Variants in UPRT observed in about 807,000 individuals in gnomAD.
The protein encoded by UPRT is uracil phosphoribosyltransferase homolog, also known as RP11-311P8.3.
UPRT carries 5 observed loss-of-function variants against 22.6 expected under a neutral mutation model. That is an observed-to-expected ratio of 0.22 (90% confidence interval 0.12 to 0.47). UPRT has a LOEUF of 0.47. UPRT is among the 20% of genes least tolerant of loss of function. The pLI, the probability that UPRT is intolerant of heterozygous loss-of-function variation, is 0.99. For synonymous variants in UPRT, 77 were observed against 87.7 expected (o/e 0.88, Z 0.68); for missense variants, 181 against 239.9 (o/e 0.75, Z 1.62).
At chrX:75,286,669 T>A (rs1277200943) in intron 1 of UPRT, among the ~76,000 whole-genome samples, 2 of 112,187 alleles carry the variant, frequency 1.8e-5, no homozygotes, top group Non-Finnish European at 1.9e-5. Flanking sequence ...CTTTCATTGT[T>A]TTGTGTTTCC....
intron 4 of UPRT, among the ~76,000 whole-genome samples, chrX:75,248,334 C>A (rs1329418398): frequency 9.0e-6 from 1 of 111,349 alleles, no homozygotes; most frequent in Non-Finnish European, 1.9e-5. Context: ...GAATGGCTAA[C>A]TAGAATAACC....
At chrX:75,188,983 C>CG (rs1301016554) in intron 4 of UPRT, among the ~76,000 whole-genome samples, 2 of 112,187 alleles carry the variant, frequency 1.8e-5, no homozygotes, top group Non-Finnish European at 3.8e-5. Flanking sequence ...TCTTCTGCAT[C>CG]GCGCACGCTG....
chrX:75,211,563 A>G (rs1283903390), intron 4 of UPRT, among the ~76,000 whole-genome samples: 1 of 111,640 alleles, frequency 9.0e-6, no homozygotes, highest in Admixed American at 9.5e-5. Context: ...AGGGAAAGAA[A>G]GAAAAAGAGG....
intron 4 of UPRT, among the ~76,000 whole-genome samples, chrX:75,209,430 A>G (rs1288789031): frequency 9.0e-6 from 1 of 111,308 alleles, no homozygotes; most frequent in Non-Finnish European, 1.9e-5. Context: ...CTGGTGTGCA[A>G]TGGCATGATC....
chrX:75,249,569 A>G (rs2082520768), intron 4 of UPRT, among the ~76,000 whole-genome samples: 1 of 111,470 alleles, frequency 9.0e-6, no homozygotes, highest in African/African-American at 3.3e-5. Context: ...GCAAGTCCTT[A>G]GTGACCTACA....
chrX:75,276,709 G>C (rs1002577212), intron 1 of UPRT, among the ~76,000 whole-genome samples: 1 of 111,815 alleles, frequency 8.9e-6, no homozygotes, highest in Admixed American at 9.5e-5. Flanking sequence ...TTTAATAGTT[G>C]TTTTTAAATA....
chrX:75,234,269 C>G (rs2082451153), intron 4 of UPRT, among the ~76,000 whole-genome samples: 2 of 111,309 alleles, frequency 1.8e-5, no homozygotes, highest in East Asian at 2.9e-4. Flanking sequence ...AATACAGGAG[C>G]ACCCAGATTC....
chrX:75,277,691 G>A (rs749462102), intron 1 of UPRT, among the ~76,000 whole-genome samples: 17 of 111,509 alleles, frequency 1.5e-4, no homozygotes, highest in Non-Finnish European at 3.2e-4. Flanking sequence ...TTTGTCAGAA[G>A]ACAGTAAAAT....
At chrX:75,182,155 A>G (rs1161540210) in intron 4 of UPRT, among the ~76,000 whole-genome samples, 2 of 112,074 alleles carry the variant, frequency 1.8e-5, no homozygotes, top group Non-Finnish European at 3.8e-5. Context: ...GATGAATCCC[A>G]TTTATGGATT....
intron 4 of UPRT, among the ~76,000 whole-genome samples, chrX:75,226,676 G>A (rs899745445): frequency 3.6e-5 from 4 of 110,448 alleles, no homozygotes; most frequent in Admixed American, 9.7e-5. Flanking sequence ...GGCCTATTCT[G>A]ACCTCCACAT....
intron 2 of UPRT, 24 bp from the exon 3 acceptor site, chrX:75,296,318 C>G: frequency 8.3e-7 from 1 of 1,201,018 alleles, no homozygotes; most frequent in Non-Finnish European, 1.1e-6. Flanking sequence ...AGGTTCTCAA[C>G]TTCTTCTTCC....
intron 4 of UPRT, among the ~76,000 whole-genome samples, chrX:75,193,235 G>A (rs6647659): frequency 0.14 from 15,322 of 110,810 alleles, 1,694 homozygotes; most frequent in East Asian, 0.91. Flanking sequence ...GCTTAGTTTG[G>A]CCAGATATGA....
At chrX:75,293,576 C>T (rs1456574507) in intron 2 of UPRT, 62 bp downstream of exon 2, 1 of 1,092,587 alleles carries the variant, frequency 9.2e-7, no homozygotes, top group African/African-American at 1.9e-5. Context: ...CATGGTAGAC[C>T]AAGGGATATT....
upstream of UPRT, among the ~76,000 whole-genome samples, chrX:75,272,310 G>GTA (rs1569279411): frequency 1.1e-5 from 1 of 88,450 alleles, no homozygotes; most frequent in Admixed American, 1.3e-4. Flanking sequence ...GTATATATAT[G>GTA]TGTATATATA....
At chrX:75,287,493 G>A (rs1294080663) in intron 1 of UPRT, among the ~76,000 whole-genome samples, 1 of 111,740 alleles carries the variant, frequency 8.9e-6, no homozygotes, top group Non-Finnish European at 1.9e-5. Context: ...ACTATGAGAT[G>A]TAGATATTTT....
At chrX:75,177,978 A>T (rs746910898) in intron 4 of UPRT, among the ~76,000 whole-genome samples, 1 of 112,499 alleles carries the variant, frequency 8.9e-6, no homozygotes, top group Non-Finnish European at 1.9e-5. Context: ...GGCAAAGGTC[A>T]GGATAGATAG....
intron 2 of UPRT, among the ~76,000 whole-genome samples, chrX:75,160,683 A>C (rs927066905): frequency 9.0e-6 from 1 of 111,254 alleles, no homozygotes; most frequent in Non-Finnish European, 1.9e-5. Context: ...TGTGTACGAC[A>C]GTGCCTGACA....
At chrX:75,298,436 A>G (rs2082733538) in intron 4 of UPRT, among the ~76,000 whole-genome samples, 1 of 111,600 alleles carries the variant, frequency 9.0e-6, no homozygotes, top group African/African-American at 3.3e-5. Context: ...TTCTAAACCA[A>G]CCTTTGTATA....
chrX:75,220,742 T>C (rs1422964721), intron 4 of UPRT, among the ~76,000 whole-genome samples: 1 of 111,970 alleles, frequency 8.9e-6, no homozygotes, highest in Non-Finnish European at 1.9e-5. Flanking sequence ...TTTTTAACTT[T>C]TTGTTTTTTC....
Sources: allele counts gnomAD v4.1 joint callset (sites outside exome capture counted in the v4.1 genomes callset), GRCh38; gene constraint gnomAD v4.1.1; transcripts MANE v1.5; gene names NCBI Gene and HGNC (gene_info 2026-07-23, HGNC 2026-07-21).